OSBPL3: variants seen among roughly 807,000 people sequenced by gnomAD.
OSBPL3 encodes the protein oxysterol-binding protein-related protein 3.
OSBPL3 carries 65 observed loss-of-function variants against 120.1 expected under a neutral mutation model. That is an observed-to-expected ratio of 0.54 (90% CI 0.44 to 0.67). The LOEUF (loss-of-function observed/expected upper bound fraction) is 0.67. OSBPL3 is among the 30% of genes least tolerant of loss of function. The pLI is 0.00. For synonymous variants in OSBPL3, 416 were observed against 402.6 expected, an observed-to-expected ratio of 1.03 and a Z score of -0.40; for missense variants, 1,004 against 1,082.1, an observed-to-expected ratio of 0.93 and a Z score of 1.01.
chr7:24,822,547 C>T lies in OSBPL3; in HGVS notation c.1885-2309G>A, dbSNP rs145647176. ...AAAGCTATGAAATGTTCCTCTCCCC[C>T]ATAATGTAAACATATTTTAAAGTGG... On this transcript the variant is annotated intron_variant, in intron 16 of 22. Coordinates refer to ENST00000313367, the MANE Select transcript of OSBPL3 (RefSeq NM_015550.4). The surrounding 1 kb of genome is among the most constrained non-coding windows in gnomAD (Gnocchi z 5.8). 6.6e-6 allele frequency among the ~76,000 whole-genome samples: 1 copy of T among 152,306 alleles called. No individual in the cohort carries two copies. The highest frequency in any genetic ancestry group is 2.4e-5 in the African/African-American group (1 of 41,566).
At chr7:24,974,906 T>G (rs1817413718) in intron 1 of OSBPL3, among the ~76,000 whole-genome samples, 1 of 152,170 alleles carries the variant, frequency 6.6e-6, no homozygotes, top group Admixed American at 6.5e-5. Context: ...TGATAAATGT[T>G]TTAAAATTAT....
At position 24,797,333 on chromosome 7, in the gene OSBPL3, C is replaced by T. The variant is rs1236782303; in HGVS notation, c.*2850G>A. 6.6e-6 allele frequency: 1 copy of T among 152,110 alleles called. No homozygotes were observed. Among genetic ancestry groups the T allele is most frequent in the Non-Finnish European group, 1.5e-5 (1 of 68,026 alleles). The allele number at this position is 152,110 out of a possible 1,614,324, so 9.4% of individuals were successfully genotyped here. ...AAAATATATTAGTTTGTATATTTCC[C>T]CCAGGAAGTCTCACAGGAAGCACAG... On this transcript the variant is annotated 3_prime_UTR_variant, in exon 23 of 23. Transcript: ENST00000313367. The surrounding 1 kb of genome is among the most constrained non-coding windows in gnomAD (Gnocchi z 4.8).
chr7:24,981,410 G>C (rs148796005), upstream of OSBPL3: 1,504 of 152,498 alleles, frequency 9.9e-3, 14 homozygotes, highest in Non-Finnish European at 0.014. This position sits in a 1 kb window ranked among gnomAD's most constrained non-coding sequence, Gnocchi z 7.3. Context: ...TCACCGAGCT[G>C]GGCACCGCGC....
Position 24,898,441 on chromosome 7 carries a change from AT to A in OSBPL3, c.-149-5821del, listed in dbSNP as rs543604926. Among the ~76,000 whole-genome samples, 7 of 150,162 alleles carry A rather than the reference AT, an allele frequency of 4.7e-5. No homozygotes were observed. Among genetic ancestry groups the A allele is most frequent in the African/African-American group, 1.2e-4 (5 of 40,838 alleles). Reference sequence around the variant, plus strand: ...AAGTCTAACAATTCCTCCACAAACCATTTTTTTTTTAAATCTTATTCTCACT... The same window carrying A: ...AAGTCTAACAATTCCTCCACAAACCATTTTTTTTTAAATCTTATTCTCACT... On this transcript the variant is annotated intron_variant, in intron 1 of 22. Coordinates refer to ENST00000313367, the MANE Select transcript of OSBPL3 (RefSeq NM_015550.4). The surrounding 1 kb of genome is among the most constrained non-coding windows in gnomAD (Gnocchi z 4.3).
rs1192883816 is a variant in OSBPL3 at position 24,896,840 on chromosome 7, C to T, written c.-149-4219G>A. Among the ~76,000 whole-genome samples, 3 of 152,164 alleles carry T rather than the reference C, an allele frequency of 2.0e-5. No individual in the cohort carries two copies. Among genetic ancestry groups the T allele is most frequent in the South Asian group, 2.1e-4 (1 of 4,824 alleles). On this transcript the variant is annotated intron_variant, in intron 1 of 22. Transcript: ENST00000313367. The surrounding 1 kb of genome is among the most constrained non-coding windows in gnomAD (Gnocchi z 4.4). ...TAATCCCAGCAATTTAGGAGGTGGA[C>T]GCGACTGGATTACTTGAGGTCAGGA...
At position 24,863,297 on chromosome 7, in the gene OSBPL3, G is replaced by A. The variant is rs1800837154; in HGVS notation, c.778-5C>T. ...GGGACTTTCAAAAGATCCACCCTTT[G>A]TTTCAAAACAGGAAAGAGAGCACAG... On this transcript the variant is annotated splice_region_variant and splice_polypyrimidine_tract_variant and intron_variant, in intron 8 of 22. Transcript: ENST00000313367. This position sits in a 1 kb window ranked among gnomAD's most constrained non-coding sequence, Gnocchi z 5.8. 2 of 1,612,170 alleles carry A rather than the reference G, an allele frequency of 1.2e-6. No individual in the cohort carries two copies. The highest frequency in any genetic ancestry group is 1.3e-5 in the African/African-American group (1 of 74,976).
chr7:24,945,739 A>G (rs983961488), intron 1 of OSBPL3, among the ~76,000 whole-genome samples: 4 of 152,230 alleles, frequency 2.6e-5, no homozygotes, highest in Non-Finnish European at 4.4e-5. Flanking sequence ...ATTAATCACA[A>G]TGTAAGAGGT....
chr7:24,834,709 G>C lies in OSBPL3; in HGVS notation c.1523C>G (p.Ala508Gly). 1 of 1,612,534 alleles carries C rather than the reference G, an allele frequency of 6.2e-7. No individual in the cohort carries two copies. The change falls in exon 15 of 23, where the codon GCG becomes GGG. Residue 508 changes from alanine to glycine, a missense_variant. Ala to Gly is a moderately conservative substitution (Grantham distance 60). Around this residue, in one of 4 missense-constraint regions of OSBPL3, gnomAD observed 473 missense variants for 568.0 expected, o/e 0.83. Transcript: ENST00000313367. The surrounding 1 kb of genome is among the most constrained non-coding windows in gnomAD (Gnocchi z 5.2). ...LGPVLDSGRE[A>G]KSRRRTCLPA... ...CAGGCACGTTCTTCTCCGGGACTTCGCTTCCCGACCACTATCAAGGACAGG... is the reference window on the plus strand; with the variant it reads ...CAGGCACGTTCTTCTCCGGGACTTCCCTTCCCGACCACTATCAAGGACAGG...
chr7:24,926,934 G>A (rs1377882309), intron 1 of OSBPL3, among the ~76,000 whole-genome samples: 1 of 152,218 alleles, frequency 6.6e-6, no homozygotes. Flanking sequence ...AGTCAATGTT[G>A]TAAGAAACAG....
rs536484146 is a variant in OSBPL3 at position 24,857,136 on chromosome 7, A to G, written c.1027+4477T>C. Among the ~76,000 whole-genome samples, 4 of 152,346 alleles carry G rather than the reference A, an allele frequency of 2.6e-5. No homozygotes were observed. The South Asian group carries it at 8.3e-4, about 32-fold the overall frequency. ...CCATAAGCTGAAAATGGTTCAGAAAATGACCACTCAATACTTACTACTCAA... is the reference window on the plus strand; with the variant it reads ...CCATAAGCTGAAAATGGTTCAGAAAGTGACCACTCAATACTTACTACTCAA... On this transcript the variant is annotated intron_variant, in intron 10 of 22. Coordinates refer to ENST00000313367, the MANE Select transcript of OSBPL3 (RefSeq NM_015550.4).
chr7:24,861,887 T>A, intron 9 of OSBPL3, 118 bp from the exon 10 acceptor site: 10 of 393,444 alleles, frequency 2.5e-5, no homozygotes, highest in East Asian at 7.0e-5. Flanking sequence ...GGTAGGTCTT[T>A]TTTTTTTTTT....
chr7:24,933,298 G>T lies in OSBPL3; in HGVS notation c.-149-40677C>A, dbSNP rs1812012454. On this transcript the variant is annotated intron_variant, in intron 1 of 22. Transcript: ENST00000313367. The surrounding 1 kb of genome is among the most constrained non-coding windows in gnomAD (Gnocchi z 5.1). ...AGAGGCATTTCAGCTTGACAATTTA[G>T]TAACACTGCTCTAGAGTCAAAAAAA... 1.3e-5 allele frequency among the ~76,000 whole-genome samples: 2 copies of T among 152,142 alleles called. No individual in the cohort carries two copies. Among genetic ancestry groups the T allele is most frequent in the Admixed American group, 6.5e-5 (1 of 15,270 alleles).
chr7:24,977,600 T>C (rs1270388009), intron 1 of OSBPL3, among the ~76,000 whole-genome samples: 7 of 152,172 alleles, frequency 4.6e-5, no homozygotes, highest in Non-Finnish European at 1.0e-4. Context: ...CTCACGCCTG[T>C]AATCCCAGCA....
At chr7:24,897,090 G>A (rs894058490) in intron 1 of OSBPL3, among the ~76,000 whole-genome samples, 4 of 151,022 alleles carry the variant, frequency 2.6e-5, no homozygotes, top group African/African-American at 9.7e-5. Flanking sequence ...GAGAGGGAGG[G>A]AGGGAGGAAG....
At chr7:24,842,011 TAA>T (rs879318638) in intron 13 of OSBPL3, among the ~76,000 whole-genome samples, 7 of 141,510 alleles carry the variant, frequency 4.9e-5, no homozygotes, top group East Asian at 2.0e-4. Context: ...AGGCTCTGTT[TAA>T]AAAAAAAAAA....
chr7:24,911,308 TTG>T (rs1808788528), intron 1 of OSBPL3, among the ~76,000 whole-genome samples: 1 of 152,220 alleles, frequency 6.6e-6, no homozygotes, highest in Non-Finnish European at 1.5e-5. Flanking sequence ...CGACAACTGC[TTG>T]CGGAAGCTTG....
In OSBPL3 at chr7:24,798,249, G is replaced by A. The variant is rs935004221; in HGVS notation, c.*1934C>T. The stretch of plus-strand genomic sequence containing the variant: ...TGACAGTGCTACGTCCATTCAGGCT[G>A]TGCATTTTGTTTTCGTTGCTTCTTT... On this transcript the variant is annotated 3_prime_UTR_variant, in exon 23 of 23. Coordinates refer to ENST00000313367, the MANE Select transcript of OSBPL3 (RefSeq NM_015550.4). The surrounding 1 kb of genome is among the most constrained non-coding windows in gnomAD (Gnocchi z 4.6). 1 of 152,202 alleles carries A rather than the reference G, an allele frequency of 6.6e-6. No homozygotes were observed. The highest frequency in any genetic ancestry group is 2.4e-5 in the African/African-American group (1 of 41,440). The allele number at this position is 152,202 out of a possible 1,614,324, so 9.4% of individuals were successfully genotyped here. A position where few individuals can be genotyped will look rare whatever the true frequency, so the allele number is the denominator to read the frequency against.
intron 1 of OSBPL3, among the ~76,000 whole-genome samples, chr7:24,969,639 C>T (rs1816780392): frequency 6.6e-6 from 1 of 152,128 alleles, no homozygotes; most frequent in Admixed American, 6.6e-5. Context: ...ATTTTACCAA[C>T]ACCATTTATT....
chr7:24,823,609 A>G (rs1336441421), intron 16 of OSBPL3, among the ~76,000 whole-genome samples: 2 of 152,130 alleles, frequency 1.3e-5, no homozygotes, highest in Admixed American at 6.5e-5. Flanking sequence ...GGACATTTAG[A>G]GAAAAAAAAC....
Sources: gnomAD v4.1 joint callset for allele counts (sites outside exome capture counted in the v4.1 genomes callset) on GRCh38, gnomAD v4.1.1 for gene constraint, gnomAD v4.1.1 regional missense constraint, Gnocchi (gnomAD v3.1) non-coding constraint, MANE v1.5 for transcripts, NCBI Gene and HGNC (gene_info 2026-07-23, HGNC 2026-07-21) for gene names.